POLE: variants seen among roughly 807,000 people sequenced by gnomAD.
POLE encodes DNA polymerase epsilon, catalytic subunit.
POLE carries 188 observed loss-of-function variants against 279.2 expected under a neutral mutation model. That is an observed-to-expected ratio of 0.67 (90% CI 0.60 to 0.76). POLE has a LOEUF of 0.76. Ranked by LOEUF, POLE falls within the 30% of genes least tolerant of loss-of-function variation. The pLI is 0.00. For synonymous variants in POLE, 1,214 were observed against 1,172.5 expected (o/e 1.04, Z -0.72); for missense variants, 2,703 against 3,016.7 (o/e 0.90, Z 2.44).
At chr12:132,626,741 G>A (rs2041847549) in intron 45 of POLE, among the ~76,000 whole-genome samples, 1 of 152,088 alleles carries the variant, frequency 6.6e-6, no homozygotes, top group African/African-American at 2.4e-5. Flanking sequence ...ACATAATCCA[G>A]AAAGAGACTC....
intron 1 of POLE, 76 bp from the exon 2 acceptor site, chr12:132,681,355 T>C (rs924744951): frequency 2.7e-6 from 4 of 1,506,196 alleles, no homozygotes; most frequent in Middle Eastern, 2.1e-4. Flanking sequence ...TTTTTTTCTT[T>C]TTTTTTGAGA....
In POLE at chr12:132,649,374, T is replaced by C. The variant is rs878854866; in HGVS notation, c.3937A>G (p.Thr1313Ala). ...CTTCGCAAGAAGCTCCCCAGCCCCG[T>C]GGCAGGACCATCCCGGATGGCCCCG... ...RPGAIRDGPA[T>A]GLGSFLRRTA... Residue 1313 changes from threonine (T) to alanine (A), a missense_variant, in exon 31 of 49, where the codon ACG becomes GCG. Around this residue, in one of 5 missense-constraint regions of POLE, gnomAD observed 1,551 missense variants for 1,686.1 expected, o/e 0.92. Transcript: ENST00000320574. 1.2e-6 allele frequency: 2 copies of C among 1,613,534 alleles called. No individual in the cohort carries two copies. The highest frequency in any genetic ancestry group is 1.1e-5 in the South Asian group (1 of 91,086).
chr12:132,674,515 T>C (rs2042999284), intron 12 of POLE, among the ~76,000 whole-genome samples: 1 of 152,026 alleles, frequency 6.6e-6, no homozygotes, highest in Non-Finnish European at 1.5e-5. Flanking sequence ...CTCAAGCCCC[T>C]TCTCTACCCA....
At chr12:132,652,835 T>C (rs1171737683) in intron 29 of POLE, among the ~76,000 whole-genome samples, 5 of 152,286 alleles carry the variant, frequency 3.3e-5, no homozygotes, top group South Asian at 2.1e-4. Context: ...TCTCGTTACA[T>C]AGTAAGATCA....
intron 41 of POLE, among the ~76,000 whole-genome samples, chr12:132,637,614 G>A (rs961566675): frequency 2.0e-5 from 3 of 152,158 alleles, no homozygotes; most frequent in Admixed American, 6.5e-5. Flanking sequence ...CTGAGCACCC[G>A]GGAACCACAC....
rs569681489 is a variant in POLE at position 132,681,019 on chromosome 12, T to C, written c.204+119A>G. On this transcript the variant is annotated intron_variant, in intron 2 of 48. Coordinates refer to ENST00000320574, the MANE Select transcript of POLE (RefSeq NM_006231.4). ...GAAAGGAGAGCTGGGAACCTTCACATCTCCCACCTGATTCACTCAAAGTTC... is the reference window on the plus strand; with the variant it reads ...GAAAGGAGAGCTGGGAACCTTCACACCTCCCACCTGATTCACTCAAAGTTC... The C allele has an allele frequency of 2.0e-5, 24 of 1,204,962 alleles. No individual in the cohort carries two copies. In the South Asian group the frequency reaches 3.2e-4, roughly 16 times the overall value. 74.6% of individuals were successfully genotyped at this position (1,204,962 alleles called of 1,614,324 possible).
Position 132,649,725 on chromosome 12 carries a change from C to T in POLE, c.3747G>A (p.Val1249=), listed in dbSNP as rs80290414. Residue 1249 remains valine, a synonymous_variant, in exon 30 of 49, where the codon GTG becomes GTA. Coordinates refer to ENST00000320574, the MANE Select transcript of POLE (RefSeq NM_006231.4). ...QEESQDLTPT[V]PWQEILGQPP... ...GCTGCCCCAAGATTTCCTGCCAGGG[C>T]ACAGTCGGCGTGAGGTCCTGGGACT... 1.4e-4 allele frequency: 226 copies of T among 1,614,190 alleles called. No individual in the cohort carries two copies. In the African/African-American group the frequency reaches 2.9e-3, roughly 21 times the overall value.
intron 1 of POLE, among the ~76,000 whole-genome samples, chr12:132,685,816 T>C (rs1321968555): frequency 1.3e-5 from 2 of 152,036 alleles, no homozygotes; most frequent in Non-Finnish European, 2.9e-5. Flanking sequence ...GTTTCTCCTC[T>C]GGGAAGAATT....
In POLE at chr12:132,654,362, T is replaced by G. The variant is rs139743812; in HGVS notation, c.3582+2774A>C. Among the ~76,000 whole-genome samples, 472 of 152,202 alleles carry G rather than the reference T, an allele frequency of 3.1e-3. 6 individuals carry two copies. The highest frequency in any genetic ancestry group is 0.011 in the African/African-American group (455 of 41,540). ...AGCTGGGATTACAGGTGTGAGCCAC[T>G]GCGCCTGGCCTGTTTCTTTTTAAGT... On this transcript the variant is annotated intron_variant, in intron 29 of 48. Coordinates refer to ENST00000320574, the MANE Select transcript of POLE (RefSeq NM_006231.4).
intron 26 of POLE, 99 bp from the exon 27 acceptor site, chr12:132,658,069 A>ACAG (rs953430580): frequency 1.8e-5 from 14 of 768,898 alleles, no homozygotes; most frequent in Non-Finnish European, 3.2e-5. Flanking sequence ...AGGACGTGTA[A>ACAG]CAGCTGTTCA....
rs750081979 is a variant in POLE at position 132,625,327 on chromosome 12, T to C, written c.6657+318A>G. The C allele has an allele frequency of 8.4e-5, 61 of 724,380 alleles. 2 individuals are homozygous for C. Among genetic ancestry groups the C allele is most frequent in the South Asian group, 6.9e-4 (50 of 72,984 alleles). The allele number at this position is 724,380 out of a possible 1,614,324, so 44.9% of individuals were successfully genotyped here. On this transcript the variant is annotated intron_variant, in intron 47 of 48. Coordinates refer to ENST00000320574, the MANE Select transcript of POLE (RefSeq NM_006231.4). ...GCGCGTCCCCCAGCCTCTGCTCAGA[T>C]GCCCCTCGGCAAGACCTTCCTGTGG...
In POLE at chr12:132,642,816, T is replaced by A. The variant is rs1487023544; in HGVS notation, c.4728+4A>T. 1.2e-6 allele frequency: 2 copies of A among 1,613,882 alleles called. No homozygotes were observed. Among genetic ancestry groups the A allele is most frequent in the South Asian group, 2.2e-5 (2 of 91,054 alleles). On this transcript the variant is annotated splice_donor_region_variant and intron_variant, in intron 36 of 48. Transcript: ENST00000320574. ...TCACACAGCAAGACCCCAACCACTC[T>A]CACCTTGTAGGCGAGCAGGAATCGC...
At chr12:132,631,541 C>T (rs5745041) in intron 45 of POLE, among the ~76,000 whole-genome samples, 1,776 of 152,302 alleles carry the variant, frequency 0.012, 26 homozygotes, top group African/African-American at 0.041. Flanking sequence ...TCCAGCGTAA[C>T]CTTAGCCGTG....
At position 132,650,070 on chromosome 12, in the gene POLE, C is replaced by T. The variant is rs186680622; in HGVS notation, c.3583-181G>A. Among the ~76,000 whole-genome samples the T allele has an allele frequency of 3.5e-4, 54 of 152,130 alleles. No homozygotes were observed. In the East Asian group the frequency reaches 3.7e-3, roughly 10 times the overall value. The stretch of plus-strand genomic sequence containing the variant: ...CAAAATATATTACAAATTAGCCAGG[C>T]GTGGTAGTGCGCCTGTAGTCCCAAG... On this transcript the variant is annotated intron_variant, in intron 29 of 48. Transcript: ENST00000320574.
rs761944154 is a variant in POLE, at chr12:132,668,602, C to T, written c.2026+33G>A. On this transcript the variant is annotated intron_variant, in intron 18 of 48. Coordinates refer to ENST00000320574, the MANE Select transcript of POLE (RefSeq NM_006231.4). This position sits in a 1 kb window ranked among gnomAD's most constrained non-coding sequence, Gnocchi z 4.0. ...GGCCGACACTCACCCACCCGTTTCC[C>T]ACCGAGTGCCCACCCAGGCGGCCGA... 1.5e-5 allele frequency: 24 copies of T among 1,597,126 alleles called. No homozygotes were observed. The South Asian group carries it at 2.0e-4, about 13-fold the overall frequency.
intron 45 of POLE, among the ~76,000 whole-genome samples, chr12:132,629,565 G>A (rs1007866557): frequency 1.8e-4 from 27 of 152,126 alleles, no homozygotes; most frequent in Non-Finnish European, 3.5e-4. Context: ...ACCAACCTCC[G>A]CCAGCTTCAA....
chr12:132,668,839 G>C lies in POLE; in HGVS notation c.1895C>G (p.Pro632Arg), dbSNP rs1218293194. The stretch of plus-strand genomic sequence containing the variant: ...CAGGCGGTTGGTCAGGATGATGTTG[G>C]GGTACATGGCCCCCACGTCCAGGTG... ...IYHLDVGAMY[P>R]NIILTNRLQP... The change falls in exon 17 of 49, where the codon CCC (proline) becomes CGC (arginine). Residue 632 changes from proline to arginine, a missense_variant. Physicochemically the swap from Pro to Arg is moderately radical, Grantham distance 103. Transcript: ENST00000320574. The surrounding 1 kb of genome is among the most constrained non-coding windows in gnomAD (Gnocchi z 4.0). The C allele has an allele frequency of 3.1e-6, 5 of 1,614,156 alleles. No homozygotes were observed. The highest frequency in any genetic ancestry group is 1.1e-5 in the South Asian group (1 of 91,082).
rs117192869 is a variant in POLE at position 132,634,475 on chromosome 12, T to A, written c.5812-97A>T. ...AAGGCTCCTCCAACCTGGGTCCATC[T>A]GCCCCGTTTGACCAGAGGCCTTCCT... On this transcript the variant is annotated intron_variant, in intron 42 of 48. Coordinates refer to ENST00000320574, the MANE Select transcript of POLE (RefSeq NM_006231.4). This position sits in a 1 kb window ranked among gnomAD's most constrained non-coding sequence, Gnocchi z 4.0. 2 of 1,214,510 alleles carry A rather than the reference T, an allele frequency of 1.6e-6. No homozygotes were observed. The highest frequency in any genetic ancestry group is 3.0e-5 in the African/African-American group (2 of 65,834). 75.2% of individuals were successfully genotyped at this position (1,214,510 alleles called of 1,614,324 possible). A position where few individuals can be genotyped will look rare whatever the true frequency, so the allele number is the denominator to read the frequency against.
rs763810813 is a variant in POLE at position 132,672,448 on chromosome 12, C to T, written c.1687-126G>A. ...AAAGCTCCGGAAGGACTCATGTGCA[C>T]AATCTGCAGTGCACTGCCCTAAAGA... On this transcript the variant is annotated intron_variant, in intron 15 of 48. Coordinates refer to ENST00000320574, the MANE Select transcript of POLE (RefSeq NM_006231.4). 10 of 1,037,062 alleles carry T rather than the reference C, an allele frequency of 9.6e-6. No individual in the cohort carries two copies. The South Asian group carries it at 1.4e-4, about 14-fold the overall frequency. The allele number at this position is 1,037,062 out of a possible 1,614,324, so 64.2% of individuals were successfully genotyped here. A position where few individuals can be genotyped will look rare whatever the true frequency, so the allele number is the denominator to read the frequency against.
Sources: allele counts gnomAD v4.1 joint callset (sites outside exome capture counted in the v4.1 genomes callset), GRCh38; gene constraint gnomAD v4.1.1; regional missense constraint gnomAD v4.1.1; non-coding constraint Gnocchi (gnomAD v3.1); transcripts MANE v1.5; gene names NCBI Gene and HGNC (gene_info 2026-07-23, HGNC 2026-07-21).